MUC5AC: variants seen among roughly 807,000 people sequenced by gnomAD.
The protein encoded by MUC5AC is mucin 5AC, oligomeric mucus/gel-forming.
Under a neutral mutation model 169.7 loss-of-function variants are expected in MUC5AC, and 158 were observed. The ratio of observed to expected loss-of-function variants is 0.93; its 90% CI spans 0.82 to 1.06. MUC5AC has a LOEUF of 1.06. Among genes scored for constraint, MUC5AC ranks in the 50% least tolerant of loss-of-function variants. The pLI is 0.00. For missense variants in MUC5AC, 4,359 were observed against 3,089.9 expected (o/e 1.41, Z -9.74); for synonymous variants, 1,975 against 1,237.0 (o/e 1.60, Z -12.52).
rs1335016019 is a variant in MUC5AC at position 1,192,902 on chromosome 11, G to A, written c.14500G>A (p.Ala4834Thr). The A allele has an allele frequency of 1.3e-6, 1 of 763,694 alleles. No individual in the cohort carries two copies. The highest frequency in any genetic ancestry group is 2.4e-6 in the Non-Finnish European group (1 of 417,258). The allele number at this position is 763,694 out of a possible 1,614,324, so 47.3% of individuals were successfully genotyped here. A position where few individuals can be genotyped will look rare whatever the true frequency, so the allele number is the denominator to read the frequency against. ...CTGTCCGTCCACCACGCTGCCTCCTGCCCCAGCCACGTCCCCTTCAATATC... is the reference window on the plus strand; with the variant it reads ...CTGTCCGTCCACCACGCTGCCTCCTACCCCAGCCACGTCCCCTTCAATATC... ...SDCPSTTLPP[A>T]PATSPSISTS... The change falls in exon 32 of 49, where the codon GCC becomes ACC. Residue 4834 changes from alanine to threonine, a missense_variant. Coordinates refer to ENST00000621226, the MANE Select transcript of MUC5AC (RefSeq NM_001304359.2).
At chr11:1,198,231 C>T (rs374658989) in intron 42 of MUC5AC, 37 bp from the exon 43 acceptor site, 73 of 734,232 alleles carry the variant, frequency 9.9e-5, no homozygotes, top group Middle Eastern at 6.8e-4. Context: ...GGAGAGTGGG[C>T]GGCGGGGGGT....
intron 2 of MUC5AC, 63 bp downstream of exon 2, chr11:1,160,752 C>A (rs1022072630): frequency 4.0e-6 from 6 of 1,508,040 alleles, no homozygotes; most frequent in Middle Eastern, 3.4e-4. Context: ...CCGTGTGGCA[C>A]GGCCCCTAGG....
intron 12 of MUC5AC, 108 bp downstream of exon 12, chr11:1,168,095 G>A (rs1282933806): frequency 3.1e-5 from 30 of 956,516 alleles, no homozygotes; most frequent in Non-Finnish European, 4.7e-5. Flanking sequence ...AGCGAGAGGC[G>A]GGGACCCTCT....
Position 1,191,362 on chromosome 11 carries a change from G to T in MUC5AC, c.13217G>T (p.Gly4406Val). ...ACAGCCAGCACAACCTCTGGTCCTGGAAGTACTCCCAGCCCTGTTCCCACC... is the reference window on the plus strand; with the variant it reads ...ACAGCCAGCACAACCTCTGGTCCTGTAAGTACTCCCAGCCCTGTTCCCACC... ...ASTASTTSGP[G>V]STPSPVPTTS... The change falls in exon 31 of 49, where the codon GGA becomes GTA. Residue 4406 changes from glycine (G) to valine (V), a missense_variant. By Grantham distance (109) the Gly-to-Val change is moderately radical. Coordinates refer to ENST00000621226, the MANE Select transcript of MUC5AC (RefSeq NM_001304359.2). 2.7e-6 allele frequency: 2 copies of T among 743,168 alleles called. No individual in the cohort carries two copies. The highest frequency in any genetic ancestry group is 2.4e-6 in the Non-Finnish European group (1 of 409,590). 46.0% of individuals were successfully genotyped at this position (743,168 alleles called of 1,614,324 possible).
chr11:1,194,998 C>G lies in MUC5AC; in HGVS notation c.15191-14C>G, dbSNP rs1183076143. The G allele has an allele frequency of 8.4e-6, 6 of 717,196 alleles. No homozygotes were observed. The highest frequency in any genetic ancestry group is 7.7e-6 in the Non-Finnish European group (3 of 391,202). 44.4% of individuals were successfully genotyped at this position (717,196 alleles called of 1,614,324 possible). On this transcript the variant is annotated splice_polypyrimidine_tract_variant and intron_variant, in intron 35 of 48. Transcript: ENST00000621226. ...CTGCTGTCCAGCAGCCTGACCCCCACCGCGTCTGCCCAGGCACTTGCACCA... is the reference window on the plus strand; with the variant it reads ...CTGCTGTCCAGCAGCCTGACCCCCAGCGCGTCTGCCCAGGCACTTGCACCA...
chr11:1,198,532 G>C (rs939892839), intron 43 of MUC5AC, among the ~76,000 whole-genome samples: 15 of 152,122 alleles, frequency 9.9e-5, no homozygotes, highest in Non-Finnish European at 1.8e-4. Context: ...GGGGCTCCGG[G>C]GGACTTTGCC....
chr11:1,196,099 G>A (rs1428552909), intron 37 of MUC5AC, 45 bp downstream of exon 37: 1 of 737,648 alleles, frequency 1.4e-6, no homozygotes, highest in East Asian at 2.5e-5. Flanking sequence ...GCTTGTGAGG[G>A]GCACAGGCAC....
rs1860955868 is a variant in MUC5AC at position 1,186,705 on chromosome 11, T to TCCA, written c.8561_8562insCAC (p.Ser2854_Ala2855insThr). 1.4e-6 allele frequency: 1 copy of TCCA among 733,388 alleles called. No individual in the cohort carries two copies. The highest frequency in any genetic ancestry group is 2.5e-6 in the Non-Finnish European group (1 of 402,244). 45.4% of individuals were successfully genotyped at this position (733,388 alleles called of 1,614,324 possible). A position where few individuals can be genotyped will look rare whatever the true frequency, so the allele number is the denominator to read the frequency against. ...CTCTGCCCCTACAACCAGCACAACC[T>TCCA]CTGCCCCTACAACCAGAACAACCTC... On this transcript the variant is annotated inframe_insertion, in exon 31 of 49. Transcript: ENST00000621226.
At chr11:1,179,941 G>A (rs878906280) in intron 26 of MUC5AC, 81 bp from the exon 27 acceptor site, 93,132 of 397,808 alleles carry the variant, frequency 0.23, 13,471 homozygotes, top group African/African-American at 0.48. Flanking sequence ...GGAGGGAAGC[G>A]GCTTTAGAAC....
chr11:1,194,746 G>A (rs1038126042), intron 35 of MUC5AC, 76 bp downstream of exon 35: 4 of 661,258 alleles, frequency 6.0e-6, no homozygotes, highest in South Asian at 3.5e-5. Context: ...AGGCCACCAC[G>A]TGCCGCGTGT....
rs118072449 is a variant in MUC5AC, at chr11:1,158,272, G to A, written c.73+200G>A. 2.3e-3 allele frequency among the ~76,000 whole-genome samples: 344 copies of A among 152,322 alleles called. 1 individual carries two copies. The highest frequency in any genetic ancestry group is 3.1e-3 in the Non-Finnish European group (212 of 68,018). On this transcript the variant is annotated intron_variant, in intron 1 of 48. Transcript: ENST00000621226. The stretch of plus-strand genomic sequence containing the variant: ...GGTTGGGAAGGGATCTCTGGGCTTC[G>A]CGGACCTCTGAGGCTGGGCCATTCC...
chr11:1,178,772 G>C (rs1223545112), intron 25 of MUC5AC, 89 bp downstream of exon 25: 1 of 680,340 alleles, frequency 1.5e-6, no homozygotes, highest in Non-Finnish European at 2.1e-6. Context: ...TGGGGTCTGG[G>C]AGACAGCTGC....
At chr11:1,181,231 C>T (rs1004341715) in intron 29 of MUC5AC, 40 bp from the exon 30 acceptor site, 54 of 398,316 alleles carry the variant, frequency 1.4e-4, no homozygotes, top group African/African-American at 2.3e-4. Flanking sequence ...TCTCTGTCTG[C>T]GCCCAGCCTC....
chr11:1,194,650 AC>A lies in MUC5AC; in HGVS notation c.15171del (p.Asn5057LysfsTer38). 1 of 762,920 alleles carries A rather than the reference AC, an allele frequency of 1.3e-6. No homozygotes were observed. Among genetic ancestry groups the A allele is most frequent in the Non-Finnish European group, 2.4e-6 (1 of 416,548 alleles). The allele number at this position is 762,920 out of a possible 1,614,324, so 47.3% of individuals were successfully genotyped here. On this transcript the variant is annotated frameshift_variant, in exon 35 of 49. Coordinates refer to ENST00000621226, the MANE Select transcript of MUC5AC (RefSeq NM_001304359.2). LOFTEE classifies it high-confidence loss of function. ...SVEVPFSKFA[N>X]NTEGQCGTCT... ...GAGGTGCCCTTCAGCAAGTTTGCCA[AC>A]AACACCGAGGGCCAGTGCGGTGAGG...
chr11:1,172,156 G>A (rs1318277624), intron 15 of MUC5AC, among the ~76,000 whole-genome samples: 2 of 152,252 alleles, frequency 1.3e-5, no homozygotes, highest in Non-Finnish European at 2.9e-5. Flanking sequence ...TAGCGTCCCT[G>A]GAAGGCGGCA....
chr11:1,165,434 C>T lies in MUC5AC; in HGVS notation c.1247+15C>T, dbSNP rs1174930923. 1 of 1,455,844 alleles carries T rather than the reference C, an allele frequency of 6.9e-7. No individual in the cohort carries two copies. The highest frequency in any genetic ancestry group is 3.0e-5 in the African/African-American group (1 of 33,398). 90.2% of individuals were successfully genotyped at this position (1,455,844 alleles called of 1,614,324 possible). On this transcript the variant is annotated intron_variant, in intron 10 of 48. Transcript: ENST00000621226. ...TGCACCAACTGGTAGGTCCCAGCCCCCCTCCAGGCCACCAAGGATGTGCTA... is the reference window on the plus strand; with the variant it reads ...TGCACCAACTGGTAGGTCCCAGCCCTCCTCCAGGCCACCAAGGATGTGCTA...
In MUC5AC at chr11:1,182,408, C is replaced by T. The variant is rs1051416712; in HGVS notation, c.4263C>T (p.Cys1421=). The change falls in exon 31 of 49, where the codon TGC becomes TGT. Residue 1421 remains cysteine (C), a synonymous_variant. Coordinates refer to ENST00000621226, the MANE Select transcript of MUC5AC (RefSeq NM_001304359.2). Reference sequence around the variant, plus strand: ...TCCGCGCCCATGGGTACCGGGTGTGCGAATCACCCAGGTCGGTGGAGTGCC... The same window carrying T: ...TCCGCGCCCATGGGTACCGGGTGTGTGAATCACCCAGGTCGGTGGAGTGCC... ...ENLRAHGYRV[C]ESPRSVECRA... The T allele has an allele frequency of 2.3e-5, 9 of 398,496 alleles. No individual in the cohort carries two copies. Among genetic ancestry groups the T allele is most frequent in the Admixed American group, 4.4e-5 (1 of 22,726 alleles). The allele number at this position is 398,496 out of a possible 1,614,324, so 24.7% of individuals were successfully genotyped here. A position where few individuals can be genotyped will look rare whatever the true frequency, so the allele number is the denominator to read the frequency against.
rs1456919717 is a variant in MUC5AC, at chr11:1,182,706, G to A, written c.4561G>A (p.Ala1521Thr). 2.5e-6 allele frequency: 1 copy of A among 398,454 alleles called. No individual in the cohort carries two copies. Among genetic ancestry groups the A allele is most frequent in the Non-Finnish European group, 4.4e-6 (1 of 226,092 alleles). The allele number at this position is 398,454 out of a possible 1,614,324, so 24.7% of individuals were successfully genotyped here. ...ACCTGGCACCGTGTCTCTCTCTACA[G>A]CCAGGACGACACCTGCCCCAGGTAC... ...STPGTVSLST[A>T]RTTPAPGTAT... Residue 1521 changes from alanine (A) to threonine (T), a missense_variant, in exon 31 of 49, where the codon GCC (alanine) becomes ACC (threonine). Physicochemically the swap from Ala to Thr is moderately conservative, Grantham distance 58. Transcript: ENST00000621226.
intron 36 of MUC5AC, among the ~76,000 whole-genome samples, chr11:1,195,581 G>A: frequency 6.6e-6 from 1 of 152,032 alleles, no homozygotes; most frequent in Non-Finnish European, 1.5e-5. Flanking sequence ...ATGGACGGGG[G>A]CATCGGTCAC....
Sources: gnomAD v4.1 joint callset for allele counts (sites outside exome capture counted in the v4.1 genomes callset) on GRCh38, gnomAD v4.1.1 for gene constraint, MANE v1.5 for transcripts, NCBI Gene and HGNC (gene_info 2026-07-23, HGNC 2026-07-21) for gene names.